The following NUS1 variants were observed in gnomAD, a reference collection of about 807,000 sequenced individuals.
The protein encoded by NUS1 is NUS1 dehydrodolichyl diphosphate synthase subunit.
For synonymous variants in NUS1, 135 were observed against 155.2 expected, an observed-to-expected ratio of 0.87 and a Z score of 0.97; for missense variants, 292 against 382.9, an observed-to-expected ratio of 0.76 and a Z score of 1.98.
chr6:117,706,512 AAG>A (rs1268992516), intron 4 of NUS1, among the ~76,000 whole-genome samples: 2 of 152,202 alleles, frequency 1.3e-5, no homozygotes, highest in African/African-American at 4.8e-5. Flanking sequence ...CTTGTGGAAA[AAG>A]AGGCATATTA....
intron 1 of NUS1, among the ~76,000 whole-genome samples, chr6:117,688,354 G>A (rs1462063486): frequency 6.6e-6 from 1 of 152,182 alleles, no homozygotes; most frequent in Admixed American, 6.5e-5. Flanking sequence ...AATTAGTAGG[G>A]CTTTGGGGGT....
At chr6:117,693,717 C>T (rs1489868216) in intron 2 of NUS1, among the ~76,000 whole-genome samples, 1 of 152,010 alleles carries the variant, frequency 6.6e-6, no homozygotes, top group African/African-American at 2.4e-5. Flanking sequence ...ATTTTAGATG[C>T]GTGAAAATTT....
chr6:117,689,298 A>G (rs993921221), intron 1 of NUS1, among the ~76,000 whole-genome samples: 7 of 152,188 alleles, frequency 4.6e-5, no homozygotes, highest in Non-Finnish European at 1.0e-4. Context: ...GAAAAGATTT[A>G]CCATTTTAAT....
intron 1 of NUS1, among the ~76,000 whole-genome samples, chr6:117,684,797 T>G (rs1370167672): frequency 6.6e-6 from 1 of 152,206 alleles, no homozygotes; most frequent in African/African-American, 2.4e-5. Context: ...TTTTATATTT[T>G]AAGAACTGAA....
intron 2 of NUS1, among the ~76,000 whole-genome samples, chr6:117,693,821 T>A (rs1479586361): frequency 6.6e-6 from 1 of 152,196 alleles, no homozygotes; most frequent in Non-Finnish European, 1.5e-5. Flanking sequence ...TGTATAAATA[T>A]ATACATGGAT....
rs552030641 is a variant in NUS1, at chr6:117,686,130, G to A, written c.416-6912G>A. Reference sequence around the variant, plus strand: ...CAAAAAATTAGCCGGGCGTGGTGGTGGGCGCCTATAGTCCCAGCTACTCGA... The same window carrying A: ...CAAAAAATTAGCCGGGCGTGGTGGTAGGCGCCTATAGTCCCAGCTACTCGA... On this transcript the variant is annotated intron_variant, in intron 1 of 4. Transcript: ENST00000368494. Among the ~76,000 whole-genome samples, 149 of 150,592 alleles carry A rather than the reference G, an allele frequency of 9.9e-4. 1 individual carries two copies. Among genetic ancestry groups the A allele is most frequent in the African/African-American group, 3.5e-3 (145 of 40,960 alleles).
At chr6:117,701,267 T>A (rs1382904350) in intron 3 of NUS1, among the ~76,000 whole-genome samples, 1 of 145,848 alleles carries the variant, frequency 6.9e-6, no homozygotes, top group Non-Finnish European at 1.5e-5. Context: ...TTTTTTGAGA[T>A]GGAGTCTCGC....
intron 3 of NUS1, among the ~76,000 whole-genome samples, chr6:117,696,030 TG>T (rs1273061395): frequency 2.0e-5 from 3 of 152,094 alleles, no homozygotes; most frequent in Non-Finnish European, 4.4e-5. Flanking sequence ...TGTGGATGTT[TG>T]TGTGTTTTCA....
In NUS1 at chr6:117,675,857, G is replaced by A. The variant is rs1346193127; in HGVS notation, c.187G>A (p.Gly63Ser). ...GFTLRKPPAV[G>S]RNRRHHRHPR... ...CACGCTCCGCAAGCCCCCGGCAGTC[G>A]GCAGGAACCGCCGTCACCACCGGCA... Residue 63 changes from glycine (G) to serine (S), a missense_variant, in exon 1 of 5, where the codon GGC (glycine) becomes AGC (serine). Gly to Ser is a moderately conservative substitution (Grantham distance 56). Transcript: ENST00000368494. 2.0e-6 allele frequency: 3 copies of A among 1,534,620 alleles called. No individual in the cohort carries two copies. Among genetic ancestry groups the A allele is most frequent in the Non-Finnish European group, 2.6e-6 (3 of 1,140,450 alleles).
At position 117,676,105 on chromosome 6, in the gene NUS1, TGGG is replaced by T. The variant is rs756545514; in HGVS notation, c.415+24_415+26del. ...ACCAAGGTGAGGCCCGGTGCGGTGG[TGGG>T]GGGTGGCCGAGGCGTCTTGGACCGC... On this transcript the variant is annotated intron_variant, in intron 1 of 4. Coordinates refer to ENST00000368494, the MANE Select transcript of NUS1 (RefSeq NM_138459.5). The T allele has an allele frequency of 2.8e-5, 44 of 1,549,964 alleles. No homozygotes were observed. In the Middle Eastern group the frequency reaches 6.3e-4, roughly 22 times the overall value.
At chr6:117,704,961 A>G (rs1373645379) in intron 4 of NUS1, among the ~76,000 whole-genome samples, 1 of 152,324 alleles carries the variant, frequency 6.6e-6, no homozygotes, top group South Asian at 2.1e-4. Context: ...TTTGGGGATC[A>G]TCATAACCTG....
At chr6:117,692,593 C>T (rs1176848296) in intron 1 of NUS1, among the ~76,000 whole-genome samples, 6 of 152,030 alleles carry the variant, frequency 3.9e-5, no homozygotes, top group African/African-American at 1.4e-4. Context: ...AAAAACTAAT[C>T]AAATTGAGGC....
chr6:117,689,992 C>T (rs1014193500), intron 1 of NUS1, among the ~76,000 whole-genome samples: 23 of 152,248 alleles, frequency 1.5e-4, no homozygotes, highest in Middle Eastern at 3.4e-3. Context: ...AAGCTGGCAT[C>T]ATATATTTTA....
chr6:117,675,715 G>T lies in NUS1; in HGVS notation c.45G>T (p.Leu15=), dbSNP rs1015363741. ...TGGTGTGGCGGGTGCTGCACGCGCTGCTCTGTCTGCACCGCACGCTCACCT... is the reference window on the plus strand; with the variant it reads ...TGGTGTGGCGGGTGCTGCACGCGCTTCTCTGTCTGCACCGCACGCTCACCT... The part of the protein sequence containing the change: ...YELVWRVLHA[L]LCLHRTLTSW... Residue 15 remains leucine (L), a synonymous_variant, in exon 1 of 5, where the codon CTG becomes CTT. Transcript: ENST00000368494. 5 of 1,515,794 alleles carry T rather than the reference G, an allele frequency of 3.3e-6. No homozygotes were observed. The highest frequency in any genetic ancestry group is 1.9e-5 in the Admixed American group (1 of 51,396). 93.9% of individuals were successfully genotyped at this position (1,515,794 alleles called of 1,614,324 possible).
intron 2 of NUS1, among the ~76,000 whole-genome samples, chr6:117,693,467 A>G (rs1055256571): frequency 6.6e-6 from 1 of 152,174 alleles, no homozygotes. Context: ...TGGTTGTTCT[A>G]TGGAGTGAGG....
At chr6:117,703,355 T>G (rs1193468047) in intron 3 of NUS1, among the ~76,000 whole-genome samples, 1 of 152,170 alleles carries the variant, frequency 6.6e-6, no homozygotes, top group South Asian at 2.1e-4. Flanking sequence ...CCCTTTCTTA[T>G]CAGGTAATCA....
At position 117,691,584 on chromosome 6, in the gene NUS1, T is replaced by C. The variant is rs975921651; in HGVS notation, c.416-1458T>C. On this transcript the variant is annotated intron_variant, in intron 1 of 4. Transcript: ENST00000368494. ...ATATATATATATATATATATATATA[T>C]ATAGTTCAAAATATATATTCAAAAG... 2.3e-5 allele frequency among the ~76,000 whole-genome samples: 3 copies of C among 128,100 alleles called. No homozygotes were observed. In the Admixed American group the frequency reaches 2.5e-4, roughly 11 times the overall value. The allele number at this position is 128,100 out of a possible 152,430, so 84.0% of individuals were successfully genotyped here. A position where few individuals can be genotyped will look rare whatever the true frequency, so the allele number is the denominator to read the frequency against.
chr6:117,690,334 T>A (rs533075125), intron 1 of NUS1, among the ~76,000 whole-genome samples: 1 of 152,334 alleles, frequency 6.6e-6, no homozygotes, highest in Non-Finnish European at 1.5e-5. Context: ...TTTCTCTATA[T>A]ATACCTAATT....
At chr6:117,699,884 G>A (rs969286236) in intron 3 of NUS1, among the ~76,000 whole-genome samples, 51 of 152,048 alleles carry the variant, frequency 3.4e-4, no homozygotes, top group African/African-American at 1.1e-3. Flanking sequence ...TTTTGACAAA[G>A]GTGCCCAGAA....
Sources: gnomAD v4.1 joint callset for allele counts (sites outside exome capture counted in the v4.1 genomes callset) on GRCh38, gnomAD v4.1.1 for gene constraint, MANE v1.5 for transcripts, NCBI Gene and HGNC (gene_info 2026-07-23, HGNC 2026-07-21) for gene names.